The following UBAP2L variants were observed in gnomAD, a reference collection of about 807,000 sequenced individuals.
UBAP2L encodes ubiquitin associated protein 2 like, also known as ubiquitin-associated protein 2-like.
Under a neutral mutation model 130.6 loss-of-function variants are expected in UBAP2L, and 12 were observed. The ratio of observed to expected loss-of-function variants is 0.09; its 90% CI spans 0.06 to 0.15. UBAP2L has a LOEUF of 0.15. Among genes scored for constraint, UBAP2L ranks in the 10% least tolerant of loss-of-function variants. The pLI is 1.00. For synonymous variants in UBAP2L, 503 were observed against 524.7 expected (o/e 0.96, Z 0.57); for missense variants, 965 against 1,332.5 (o/e 0.72, Z 4.29).
At chr1:154,253,769 C>G (rs1174943711) in intron 14 of UBAP2L, 131 bp from the exon 15 acceptor site, 1 of 881,742 alleles carries the variant, frequency 1.1e-6, no homozygotes, top group African/African-American at 1.7e-5. Flanking sequence ...GTAGATTCTT[C>G]TATTTGTTGC....
intron 8 of UBAP2L, among the ~76,000 whole-genome samples, chr1:154,239,345 G>C (rs756936774): frequency 6.6e-6 from 1 of 151,998 alleles, no homozygotes; most frequent in East Asian, 1.9e-4. Flanking sequence ...ACATCCAGGT[G>C]CCTAACTGCC....
chr1:154,255,429 CT>C, intron 17 of UBAP2L, 103 bp downstream of exon 17: 1 of 1,444,724 alleles, frequency 6.9e-7, no homozygotes, highest in Non-Finnish European at 9.3e-7. Flanking sequence ...ATTAGCCCTG[CT>C]TTTGTCGTAA....
Position 154,254,821 on chromosome 1 carries a change from T to TC in UBAP2L, c.1855-15_1855-14insC. The TC allele has an allele frequency of 6.2e-7, 1 of 1,600,542 alleles. No individual in the cohort carries two copies. ...TGTCTGTTTCTTGCTCTTCTGTTTT[T>TC]TTTTTTTTTACCAGAATGGCTTCAG... On this transcript the variant is annotated splice_polypyrimidine_tract_variant and intron_variant, in intron 15 of 26. Coordinates refer to ENST00000428931, the MANE Select transcript of UBAP2L (RefSeq NM_014847.4).
chr1:154,240,762 T>A (rs975316072), intron 8 of UBAP2L, among the ~76,000 whole-genome samples: 3 of 151,818 alleles, frequency 2.0e-5, no homozygotes, highest in African/African-American at 7.3e-5. Context: ...TCTCTATCAG[T>A]GCTACTATCC....
chr1:154,221,625 G>A (rs1206192450), intron 1 of UBAP2L, among the ~76,000 whole-genome samples: 2 of 152,206 alleles, frequency 1.3e-5, no homozygotes, highest in Admixed American at 6.5e-5. Context: ...GGCCCCGTGG[G>A]CTCTCGATGT....
rs1232145497 is a variant in UBAP2L at position 154,222,348 on chromosome 1, C to T, written c.-41+1373C>T. ...CATTGTACTTAAAGATTAGACTATC[C>T]CAATGATTACAGAGAATTAAAACAT... On this transcript the variant is annotated intron_variant, in intron 1 of 26. Coordinates refer to ENST00000428931, the MANE Select transcript of UBAP2L (RefSeq NM_014847.4). Among the ~76,000 whole-genome samples the T allele has an allele frequency of 5.9e-5, 9 of 151,626 alleles. 1 individual carries two copies. Among genetic ancestry groups the T allele is most frequent in the South Asian group, 4.2e-4 (2 of 4,764 alleles).
At chr1:154,254,266 C>T (rs1426597554) in intron 15 of UBAP2L, among the ~76,000 whole-genome samples, 177 bp downstream of exon 15, 1 of 152,180 alleles carries the variant, frequency 6.6e-6, no homozygotes, top group Non-Finnish European at 1.5e-5. Context: ...TCAGCAAACC[C>T]GGAGACTGAA....
At chr1:154,225,281 A>T (rs1464816143) in intron 2 of UBAP2L, 68 bp downstream of exon 2, 13 of 1,538,254 alleles carry the variant, frequency 8.5e-6, no homozygotes, top group Non-Finnish European at 1.2e-5. Flanking sequence ...CATGCAGTAC[A>T]GCATCATTCT....
At chr1:154,249,550 A>C (rs1420514449) in intron 12 of UBAP2L, 113 bp downstream of exon 12, 1 of 1,295,710 alleles carries the variant, frequency 7.7e-7, no homozygotes, top group East Asian at 2.4e-5. Flanking sequence ...AGGGGCAGCT[A>C]GTTGGTTACC....
At chr1:154,246,434 C>A in intron 11 of UBAP2L, 59 bp downstream of exon 11, 1 of 1,535,490 alleles carries the variant, frequency 6.5e-7, no homozygotes, top group Middle Eastern at 2.3e-4. Context: ...AGCACACATA[C>A]ACAGTTCCTT....
intron 24 of UBAP2L, among the ~76,000 whole-genome samples, chr1:154,264,798 T>C (rs923374918): frequency 1.3e-5 from 2 of 152,228 alleles, no homozygotes; most frequent in Non-Finnish European, 2.9e-5. Flanking sequence ...TTCTCTCTTT[T>C]GGTTTGACTT....
At chr1:154,245,912 C>T (rs953022158) in intron 10 of UBAP2L, among the ~76,000 whole-genome samples, 4 of 147,180 alleles carry the variant, frequency 2.7e-5, no homozygotes, top group African/African-American at 7.6e-5. Flanking sequence ...GAGACTTTCT[C>T]GAAACAAACA....
Position 154,268,941 on chromosome 1 carries a change from A to G in UBAP2L, c.3155A>G (p.Gln1052Arg). Reference sequence around the variant, plus strand: ...TCTCAGATCCTTCACCATCACCTGCAGCAGGATGGCCAGGTAATAGCCCTT... The same window carrying G: ...TCTCAGATCCTTCACCATCACCTGCGGCAGGATGGCCAGGTAATAGCCCTT... ...PHSQILHHHLQQDGQTGSGQR... is the reference protein window; with the variant it reads ...PHSQILHHHLRQDGQTGSGQR... The change falls in exon 26 of 27, where the codon CAG (glutamine) becomes CGG (arginine). Residue 1052 changes from glutamine to arginine, a missense_variant. This residue lies in a region of UBAP2L where 194 missense variants were observed against 334.0 expected (regional missense o/e 0.58). Transcript: ENST00000428931. 6.2e-7 allele frequency: 1 copy of G among 1,612,276 alleles called. No homozygotes were observed. The highest frequency in any genetic ancestry group is 8.5e-7 in the Non-Finnish European group (1 of 1,179,212).
intron 2 of UBAP2L, 52 bp from the exon 3 acceptor site, chr1:154,227,230 T>C: frequency 6.6e-7 from 1 of 1,523,106 alleles, no homozygotes; most frequent in Non-Finnish European, 9.1e-7. Context: ...GTTCCTGTTC[T>C]CTAAACTGTT....
At position 154,261,618 on chromosome 1, in the gene UBAP2L, T is replaced by C; in HGVS notation, c.2823T>C (p.His941=). 2 of 1,614,110 alleles carry C rather than the reference T, an allele frequency of 1.2e-6. No individual in the cohort carries two copies. Among genetic ancestry groups the C allele is most frequent in the East Asian group, 4.5e-5 (2 of 44,880 alleles). The change falls in exon 24 of 27, where the codon CAT becomes CAC. Residue 941 remains histidine, a synonymous_variant. Coordinates refer to ENST00000428931, the MANE Select transcript of UBAP2L (RefSeq NM_014847.4). Reference sequence around the variant, plus strand: ...TGGCTCCTACCTCTTCCAAGCAGCATGGTGTGAATGTCAGTGTGAATGCAT... The same window carrying C: ...TGGCTCCTACCTCTTCCAAGCAGCACGGTGTGAATGTCAGTGTGAATGCAT... ...FPVAPTSSKQ[H]GVNVSVNASA... is the part of the protein sequence containing the mutation.
chr1:154,243,170 C>T (rs1674146272), intron 9 of UBAP2L, 47 bp from the exon 10 acceptor site: 2 of 1,544,546 alleles, frequency 1.3e-6, no homozygotes, highest in Admixed American at 1.7e-5. Context: ...AAGTTTCTGA[C>T]TGTAGCATCC....
intron 11 of UBAP2L, among the ~76,000 whole-genome samples, chr1:154,246,647 T>C (rs1216473465): frequency 6.6e-6 from 1 of 152,244 alleles, no homozygotes; most frequent in Non-Finnish European, 1.5e-5. Context: ...TTGCCATTAC[T>C]CTTGAGAGAA....
chr1:154,243,096 T>G, intron 9 of UBAP2L, 121 bp from the exon 10 acceptor site: 1 of 732,138 alleles, frequency 1.4e-6, no homozygotes, highest in Non-Finnish European at 2.4e-6. Flanking sequence ...TTCCTCAGGG[T>G]AGATAGTTTT....
chr1:154,269,176 A>G (rs1292071029), intron 26 of UBAP2L: 4 of 829,616 alleles, frequency 4.8e-6, no homozygotes, highest in Admixed American at 2.8e-5. Flanking sequence ...TTTTTGCCCA[A>G]TTCCTTTGGT....
Sources: gnomAD v4.1 joint callset for allele counts (sites outside exome capture counted in the v4.1 genomes callset) on GRCh38, gnomAD v4.1.1 for gene constraint, gnomAD v4.1.1 regional missense constraint, MANE v1.5 for transcripts, NCBI Gene and HGNC (gene_info 2026-07-23, HGNC 2026-07-21) for gene names.